C1QTNF7: variants seen among roughly 807,000 people sequenced by gnomAD.
C1QTNF7 encodes C1q and TNF related 7, also known as complement C1q tumor necrosis factor-related protein 7.
Under a neutral mutation model 19.6 loss-of-function variants are expected in C1QTNF7, and 15 were observed. That is an observed-to-expected ratio of 0.76 (90% CI 0.51 to 1.18). The LOEUF (loss-of-function observed/expected upper bound fraction) is 1.18, where lower values mean the gene tolerates loss of function less well. C1QTNF7 is among the 50% of genes most tolerant of loss of function. The pLI is 0.00. For missense variants in C1QTNF7, 324 were observed against 359.7 expected (o/e 0.90, Z 0.80); for synonymous variants, 142 against 137.5 (o/e 1.03, Z -0.23).
chr4:15,388,117 TCTC>T (rs1718409716), intron 1 of C1QTNF7, among the ~76,000 whole-genome samples: 1 of 152,206 alleles, frequency 6.6e-6, no homozygotes, highest in African/African-American at 2.4e-5. Context: ...TCTGATTACT[TCTC>T]TTTTCTCAAT....
At chr4:15,421,206 C>T (rs17469433) in intron 1 of C1QTNF7, among the ~76,000 whole-genome samples, 40,014 of 151,852 alleles carry the variant, frequency 0.26, 6,278 homozygotes, top group Middle Eastern at 0.37. Context: ...AGTTGAAGAG[C>T]TTTTTCTACT....
At chr4:15,439,633 T>C (rs191765041) in intron 2 of C1QTNF7, among the ~76,000 whole-genome samples, 89 of 152,336 alleles carry the variant, frequency 5.8e-4, no homozygotes, top group African/African-American at 1.9e-3. Context: ...AATTTCAGTT[T>C]AGCTTAATAA....
chr4:15,416,940 A>T (rs968305150), intron 1 of C1QTNF7, among the ~76,000 whole-genome samples: 2 of 152,222 alleles, frequency 1.3e-5, no homozygotes, highest in Non-Finnish European at 2.9e-5. Context: ...CATTCTCTCT[A>T]GTCTTAGCTT....
intron 1 of C1QTNF7, among the ~76,000 whole-genome samples, chr4:15,365,764 C>T (rs1364990949): frequency 6.6e-6 from 1 of 151,996 alleles, no homozygotes; most frequent in East Asian, 1.9e-4. Flanking sequence ...AGAAGATGAC[C>T]AATGATAGGC....
At chr4:15,360,277 G>T (rs781710649) in intron 1 of C1QTNF7, among the ~76,000 whole-genome samples, 10 of 152,134 alleles carry the variant, frequency 6.6e-5, no homozygotes, top group Non-Finnish European at 1.3e-4. Flanking sequence ...ATTCACAGCT[G>T]TTATGTTCTA....
chr4:15,421,637 A>G (rs768288463), intron 1 of C1QTNF7, among the ~76,000 whole-genome samples: 1 of 152,190 alleles, frequency 6.6e-6, no homozygotes, highest in Non-Finnish European at 1.5e-5. Flanking sequence ...TGAAGGTCAG[A>G]CAAATCTGGG....
At chr4:15,428,918 C>G (rs1015203517) in intron 1 of C1QTNF7, among the ~76,000 whole-genome samples, 3 of 152,218 alleles carry the variant, frequency 2.0e-5, no homozygotes, top group Non-Finnish European at 4.4e-5. Flanking sequence ...AATTAATTAT[C>G]AAGTCCAGCC....
At chr4:15,366,117 AG>A (rs1717508613) in intron 1 of C1QTNF7, among the ~76,000 whole-genome samples, 1 of 152,202 alleles carries the variant, frequency 6.6e-6, no homozygotes, top group African/African-American at 2.4e-5. Context: ...CAATCCTCAA[AG>A]GATGTAAGAG....
At chr4:15,356,062 T>TTTTGTTTG (rs142519956) in intron 1 of C1QTNF7, among the ~76,000 whole-genome samples, 2 of 151,812 alleles carry the variant, frequency 1.3e-5, no homozygotes, top group African/African-American at 4.8e-5. Flanking sequence ...GGTAATGGTT[T>TTTTGTTTG]TTTGTTTGTT....
intron 1 of C1QTNF7, among the ~76,000 whole-genome samples, chr4:15,367,821 T>A (rs1717579776): frequency 6.6e-6 from 1 of 151,900 alleles, no homozygotes; most frequent in African/African-American, 2.4e-5. Flanking sequence ...TGTTTTTATT[T>A]TTTTTTTTCA....
At chr4:15,412,547 G>A (rs141437309) in intron 1 of C1QTNF7, among the ~76,000 whole-genome samples, 1 of 152,098 alleles carries the variant, frequency 6.6e-6, no homozygotes, top group Non-Finnish European at 1.5e-5. Context: ...CTCTTAAAAG[G>A]ACTGTTGTGA....
intron 1 of C1QTNF7, among the ~76,000 whole-genome samples, chr4:15,398,664 G>A (rs2108905580): frequency 6.6e-6 from 1 of 152,290 alleles, no homozygotes; most frequent in East Asian, 1.9e-4. Context: ...GTTACCTGTG[G>A]CAAATCTGTA....
chr4:15,401,034 T>C (rs1304761804), intron 1 of C1QTNF7, among the ~76,000 whole-genome samples: 1 of 152,100 alleles, frequency 6.6e-6, no homozygotes, highest in African/African-American at 2.4e-5. Flanking sequence ...CCAAGTGTCT[T>C]AGAGGAGGGC....
chr4:15,377,814 T>C (rs1259259227), intron 1 of C1QTNF7, among the ~76,000 whole-genome samples: 1 of 152,170 alleles, frequency 6.6e-6, no homozygotes, highest in African/African-American at 2.4e-5. Flanking sequence ...GCACATCACT[T>C]ACCTCTTAGT....
intron 1 of C1QTNF7, among the ~76,000 whole-genome samples, chr4:15,352,773 C>T (rs73799806): frequency 0.021 from 3,180 of 152,252 alleles, 96 homozygotes; most frequent in African/African-American, 0.073. Flanking sequence ...CACCATCTGC[C>T]TAACTCCTTC....
intron 1 of C1QTNF7, among the ~76,000 whole-genome samples, chr4:15,401,542 A>G (rs1718997613): frequency 1.3e-5 from 2 of 152,222 alleles, no homozygotes; most frequent in South Asian, 4.1e-4. Flanking sequence ...GTATTGCAAG[A>G]GGGGGGAAAC....
chr4:15,427,558 G>T (rs932424668), upstream of C1QTNF7, among the ~76,000 whole-genome samples: 4 of 152,036 alleles, frequency 2.6e-5, no homozygotes, highest in Admixed American at 2.6e-4. Flanking sequence ...AGAATGAGGG[G>T]CTATTTTCCT....
intron 1 of C1QTNF7, among the ~76,000 whole-genome samples, chr4:15,355,250 T>G (rs1442032132): frequency 6.6e-6 from 1 of 152,170 alleles, no homozygotes; most frequent in Non-Finnish European, 1.5e-5. Flanking sequence ...AAATGAATGC[T>G]GTGGGCTGGG....
At chr4:15,385,939 A>G (rs1388604579) in intron 1 of C1QTNF7, among the ~76,000 whole-genome samples, 1 of 152,286 alleles carries the variant, frequency 6.6e-6, no homozygotes, top group Non-Finnish European at 1.5e-5. Flanking sequence ...ACACGATAAT[A>G]AAATGAAATT....
Sources: allele counts gnomAD v4.1 joint callset (sites outside exome capture counted in the v4.1 genomes callset), GRCh38; gene constraint gnomAD v4.1.1; transcripts MANE v1.5; gene names NCBI Gene and HGNC (gene_info 2026-07-23, HGNC 2026-07-21).